MEGF11: variants seen among roughly 807,000 people sequenced by gnomAD.
The protein encoded by MEGF11 is multiple EGF like domains 11.
In MEGF11, 126 loss-of-function variants were observed where a neutral mutation model predicts 146.6. That is an observed-to-expected ratio of 0.86 (90% confidence interval 0.74 to 1.00). MEGF11 has a LOEUF of 1.00. MEGF11 is among the 50% of genes least tolerant of loss of function. MEGF11 has a pLI of 0.00. For synonymous variants in MEGF11, 532 were observed against 583.4 expected (o/e 0.91, Z 1.27); for missense variants, 1,509 against 1,521.2 (o/e 0.99, Z 0.13).
At chr15:66,100,387 T>C (rs2086741163) in intron 4 of MEGF11, among the ~76,000 whole-genome samples, 1 of 152,058 alleles carries the variant, frequency 6.6e-6, no homozygotes, top group Admixed American at 6.5e-5. Context: ...TAGAGAGCTG[T>C]CCAAAGAGGG....
chr15:66,073,723 A>G (rs150140629), intron 5 of MEGF11, among the ~76,000 whole-genome samples: 2 of 152,272 alleles, frequency 1.3e-5, no homozygotes, highest in South Asian at 2.1e-4. Context: ...TGGGCAGCCT[A>G]TTCCCTTGCT....
At chr15:66,025,083 C>A (rs2083282168) in intron 5 of MEGF11, among the ~76,000 whole-genome samples, 1 of 152,122 alleles carries the variant, frequency 6.6e-6, no homozygotes, top group Admixed American at 6.5e-5. Context: ...TGAATTCCGG[C>A]CAGGTCTGCC....
Position 65,970,600 on chromosome 15 carries a change from G to T in MEGF11, c.852C>A (p.Asp284Glu), listed in dbSNP as rs1356908705. ...TACAGTGGCACTGTCCAGTCACGTG[G>T]TCACACTGCCCTCCATGGTGGCAAG... is the stretch of plus-strand genomic sequence containing the variant. ...DCPCHHGGQCDHVTGQCHCTA... is the reference protein window; with the variant it reads ...DCPCHHGGQCEHVTGQCHCTA... Residue 284 changes from aspartate (D) to glutamate (E), a missense_variant, in exon 8 of 26, where the codon GAC becomes GAA. Physicochemically the swap from Asp to Glu is conservative, Grantham distance 45 (BLOSUM62 2). Coordinates refer to ENST00000395614, the MANE Select transcript of MEGF11 (RefSeq NM_001385028.1). The T allele has an allele frequency of 2.5e-6, 4 of 1,613,874 alleles. No homozygotes were observed. In the African/African-American group the frequency reaches 4.0e-5, roughly 16 times the overall value.
At chr15:66,210,395 T>C (rs994123059) in intron 1 of MEGF11, among the ~76,000 whole-genome samples, 1 of 152,166 alleles carries the variant, frequency 6.6e-6, no homozygotes, top group Non-Finnish European at 1.5e-5. Context: ...TGTCTCACTC[T>C]AGTCCCAGCC....
chr15:66,145,866 A>G (rs929723881), intron 1 of MEGF11, among the ~76,000 whole-genome samples: 3 of 152,208 alleles, frequency 2.0e-5, no homozygotes, highest in African/African-American at 7.2e-5. Flanking sequence ...AAATGGAGAT[A>G]GCAATTGTAT....
chr15:66,168,456 T>G (rs2090158577), intron 1 of MEGF11, among the ~76,000 whole-genome samples: 1 of 152,124 alleles, frequency 6.6e-6, no homozygotes, highest in African/African-American at 2.4e-5. Flanking sequence ...CCATCCAGCA[T>G]GATGGCCACT....
intron 1 of MEGF11, among the ~76,000 whole-genome samples, chr15:66,151,802 G>C (rs114289533): frequency 6.6e-6 from 1 of 152,124 alleles, no homozygotes; most frequent in Non-Finnish European, 1.5e-5. Context: ...AGCTCCGTTC[G>C]CAGCAAGACA....
rs142012022 is a variant in MEGF11 at position 66,143,598 on chromosome 15, T to C, written c.-8-15187A>G. Reference sequence around the variant, plus strand: ...CAAAGATGTGCACAGAGGAGGCAACTAATGACAGAGGCAGAGCGAGATGCC... The same window carrying C: ...CAAAGATGTGCACAGAGGAGGCAACCAATGACAGAGGCAGAGCGAGATGCC... On this transcript the variant is annotated intron_variant, in intron 1 of 25. Transcript: ENST00000395614. 2.5e-4 allele frequency among the ~76,000 whole-genome samples: 38 copies of C among 152,320 alleles called. No homozygotes were observed. In the East Asian group the frequency reaches 7.3e-3, roughly 29 times the overall value.
chr15:65,965,600 C>CTTTTTTTTTTTTTT (rs767520450), intron 8 of MEGF11, among the ~76,000 whole-genome samples: 1 of 18,880 alleles, frequency 5.3e-5, no homozygotes, highest in Non-Finnish European at 9.0e-5. Context: ...TTCTTTCTTT[C>CTTTTTTTTTTTTTT]TTTTTTTTTT....
intron 5 of MEGF11, among the ~76,000 whole-genome samples, chr15:66,058,214 C>T (rs1354811404): frequency 6.6e-6 from 1 of 152,090 alleles, no homozygotes; most frequent in African/African-American, 2.4e-5. Context: ...TAAAGCACCA[C>T]CTCTCAGCCA....
intron 1 of MEGF11, among the ~76,000 whole-genome samples, chr15:66,140,975 CTCA>C (rs1802517619): frequency 6.6e-6 from 1 of 152,150 alleles, no homozygotes; most frequent in South Asian, 2.1e-4. Flanking sequence ...GTGCTGTTCA[CTCA>C]TCAGCCACTG....
intron 1 of MEGF11, among the ~76,000 whole-genome samples, chr15:66,138,513 T>G (rs942334784): frequency 6.6e-6 from 1 of 152,232 alleles, no homozygotes; most frequent in African/African-American, 2.4e-5. Context: ...TGAGGCTCTT[T>G]GTCCATGACA....
chr15:66,202,007 G>A (rs2091173507), intron 1 of MEGF11, among the ~76,000 whole-genome samples: 2 of 150,930 alleles, frequency 1.3e-5, no homozygotes, highest in East Asian at 3.9e-4. Context: ...TGATCCCGGT[G>A]GGGTGGGGTG....
intron 1 of MEGF11, among the ~76,000 whole-genome samples, chr15:66,143,459 G>C (rs907352254): frequency 6.6e-6 from 1 of 152,200 alleles, no homozygotes; most frequent in African/African-American, 2.4e-5. Context: ...CCAAGCCCCT[G>C]TCCCATGGGG....
intron 1 of MEGF11, among the ~76,000 whole-genome samples, chr15:66,170,766 C>T (rs2090229073): frequency 6.6e-6 from 1 of 152,106 alleles, no homozygotes. Flanking sequence ...GACCCCCACT[C>T]CCCATCCCCA....
At chr15:66,229,011 C>A (rs2091909266) in intron 1 of MEGF11, among the ~76,000 whole-genome samples, 1 of 152,108 alleles carries the variant, frequency 6.6e-6, no homozygotes, top group Admixed American at 6.5e-5. Context: ...CGTCAGGGTG[C>A]TGCACTACCC....
intron 21 of MEGF11, 39 bp downstream of exon 21, chr15:65,912,043 G>T: frequency 8.9e-7 from 1 of 1,118,850 alleles, no homozygotes; most frequent in South Asian, 4.5e-5. Flanking sequence ...TTAAATGAGA[G>T]GGCAGTGAGT....
At chr15:66,044,381 G>A (rs1358955052) in intron 5 of MEGF11, among the ~76,000 whole-genome samples, 2 of 152,134 alleles carry the variant, frequency 1.3e-5, no homozygotes, top group Non-Finnish European at 2.9e-5. Flanking sequence ...ACCACACTGT[G>A]TTCTCTCTGT....
At chr15:66,170,758 C>A (rs976802033) in intron 1 of MEGF11, among the ~76,000 whole-genome samples, 1 of 152,064 alleles carries the variant, frequency 6.6e-6, no homozygotes, top group African/African-American at 2.4e-5. Context: ...CTGCTGAAGA[C>A]CCCCACTCCC....
Sources: gnomAD v4.1 joint callset for allele counts (sites outside exome capture counted in the v4.1 genomes callset) on GRCh38, gnomAD v4.1.1 for gene constraint, MANE v1.5 for transcripts, NCBI Gene and HGNC (gene_info 2026-07-23, HGNC 2026-07-21) for gene names.